Variants in ARIH1 observed in about 807,000 individuals in gnomAD.
ARIH1 encodes E3 ubiquitin-protein ligase ARIH1.
Under a neutral mutation model 85.0 loss-of-function variants are expected in ARIH1, and 8 were observed. The ratio of observed to expected loss-of-function variants is 0.09; its 90% CI spans 0.06 to 0.17. The LOEUF is 0.17. Among genes scored for constraint, ARIH1 ranks in the 10% least tolerant of loss-of-function variants. The pLI is 1.00. For missense variants in ARIH1, 311 were observed against 718.1 expected (o/e 0.43, Z 6.48); for synonymous variants, 238 against 253.6 (o/e 0.94, Z 0.59).
At chr15:72,523,908 G>A (rs934367968) in intron 2 of ARIH1, among the ~76,000 whole-genome samples, 14 of 150,778 alleles carry the variant, frequency 9.3e-5, no homozygotes, top group African/African-American at 2.9e-4. Flanking sequence ...ATAATTAGAG[G>A]TAGGAAAAAT....
intron 1 of ARIH1, among the ~76,000 whole-genome samples, chr15:72,510,067 C>A (rs906253547): frequency 3.9e-5 from 6 of 152,138 alleles, no homozygotes; most frequent in African/African-American, 1.4e-4. Flanking sequence ...CAGGGATCTC[C>A]CACCTCTTCT....
At chr15:72,496,593 A>G (rs1453764538) in intron 1 of ARIH1, among the ~76,000 whole-genome samples, 3 of 152,238 alleles carry the variant, frequency 2.0e-5, no homozygotes, top group Non-Finnish European at 2.9e-5. Flanking sequence ...TGTGATAATC[A>G]AGAATAGCTT....
At position 72,586,316 on chromosome 15, in the gene ARIH1, TAAC is replaced by T. The variant is rs1248512069; in HGVS notation, c.*3027_*3029del. ...GTAGAAGAGGGAAAAGGAGTTAATG[TAAC>T]AAATTATTTTAGCTACAAACCCCGG... On this transcript the variant is annotated 3_prime_UTR_variant, in exon 14 of 14. Transcript: ENST00000379887. The T allele has an allele frequency of 6.6e-6, 1 of 152,174 alleles. No individual in the cohort carries two copies. Among genetic ancestry groups the T allele is most frequent in the Non-Finnish European group, 1.5e-5 (1 of 68,024 alleles). 9.4% of individuals were successfully genotyped at this position (152,174 alleles called of 1,614,324 possible). A position where few individuals can be genotyped will look rare whatever the true frequency, so the allele number is the denominator to read the frequency against.
chr15:72,571,571 A>T (rs2140436259), intron 10 of ARIH1, among the ~76,000 whole-genome samples: 1 of 152,262 alleles, frequency 6.6e-6, no homozygotes, highest in Non-Finnish European at 1.5e-5. Flanking sequence ...AATGACTCTG[A>T]AAAACTGTAA....
chr15:72,476,078 T>C (rs1567334263), intron 1 of ARIH1, among the ~76,000 whole-genome samples: 1 of 152,252 alleles, frequency 6.6e-6, no homozygotes, highest in East Asian at 1.9e-4. Context: ...ATTGCCTCTT[T>C]TATCAGTATT....
At chr15:72,515,119 T>C (rs1400910202) in intron 1 of ARIH1, among the ~76,000 whole-genome samples, 2 of 152,196 alleles carry the variant, frequency 1.3e-5, no homozygotes, top group East Asian at 3.9e-4. Flanking sequence ...GCAGATCACC[T>C]GAGGTCGGGA....
intron 1 of ARIH1, among the ~76,000 whole-genome samples, chr15:72,486,359 T>C (rs2063837413): frequency 6.6e-6 from 1 of 152,204 alleles, no homozygotes. Flanking sequence ...ATCCAGTATA[T>C]AGCAGTATAT....
chr15:72,537,542 T>TGA (rs1190905965), intron 2 of ARIH1, among the ~76,000 whole-genome samples: 1 of 152,234 alleles, frequency 6.6e-6, no homozygotes, highest in East Asian at 1.9e-4. Context: ...GTCATCTTCA[T>TGA]ACCTCATGTT....
intron 1 of ARIH1, 57 bp from the exon 2 acceptor site, chr15:72,518,010 T>A: frequency 7.4e-7 from 1 of 1,352,644 alleles, no homozygotes; most frequent in East Asian, 2.3e-5. Flanking sequence ...AGGAGTTCAC[T>A]AAATGTCCAT....
In ARIH1 at chr15:72,474,747, C is replaced by T. The variant is rs1253333685; in HGVS notation, c.108C>T (p.Asp36=). The T allele has an allele frequency of 3.9e-6, 6 of 1,557,482 alleles. No homozygotes were observed. The highest frequency in any genetic ancestry group is 1.4e-5 in the African/African-American group (1 of 70,560). Residue 36 remains aspartate (D), a synonymous_variant, in exon 1 of 14, where the codon GAC becomes GAT. Transcript: ENST00000379887. The part of the protein sequence containing the change: ...EEEDEDDDEP[D]DDTLDLGEVE... ...AGGACGAAGACGACGACGAGCCGGA[C>T]GATGATACCCTGGATCTGGGCGAGG... is the stretch of plus-strand genomic sequence containing the variant.
In ARIH1 at chr15:72,572,102, T is replaced by G. The variant is rs1329503474; in HGVS notation, c.1158-6T>G. On this transcript the variant is annotated splice_polypyrimidine_tract_variant and splice_region_variant and intron_variant, in intron 10 of 13. Coordinates refer to ENST00000379887, the MANE Select transcript of ARIH1 (RefSeq NM_005744.5). ...TCTTTATGGAATCCTCTTTATTTACTTGAAGGTACAACTGTAACCGCTATA... is the reference window on the plus strand; with the variant it reads ...TCTTTATGGAATCCTCTTTATTTACGTGAAGGTACAACTGTAACCGCTATA... 6.3e-7 allele frequency: 1 copy of G among 1,580,300 alleles called. No individual in the cohort carries two copies. The highest frequency in any genetic ancestry group is 1.2e-5 in the South Asian group (1 of 85,102).
At chr15:72,515,950 A>G (rs2063973083) in intron 1 of ARIH1, among the ~76,000 whole-genome samples, 1 of 152,170 alleles carries the variant, frequency 6.6e-6, no homozygotes, top group Non-Finnish European at 1.5e-5. Context: ...TGAGTCTCCT[A>G]CCTGTCATGC....
rs771102972 is a variant in ARIH1, at chr15:72,561,573, G to C, written c.804+24G>C. 6.0e-6 allele frequency: 8 copies of C among 1,333,712 alleles called. No individual in the cohort carries two copies. The Admixed American group carries it at 1.4e-4, about 24-fold the overall frequency. 82.6% of individuals were successfully genotyped at this position (1,333,712 alleles called of 1,614,324 possible). ...AGGTAAGTGATTTGTTTTCCTTCTT[G>C]TAAGAAGGAATTCTGTTTATTAATA... On this transcript the variant is annotated intron_variant, in intron 6 of 13. Coordinates refer to ENST00000379887, the MANE Select transcript of ARIH1 (RefSeq NM_005744.5).
At chr15:72,523,601 T>C (rs1162596426) in intron 2 of ARIH1, among the ~76,000 whole-genome samples, 4 of 151,760 alleles carry the variant, frequency 2.6e-5, no homozygotes, top group African/African-American at 4.8e-5. Flanking sequence ...GCATTTGTCC[T>C]GACCCATAGA....
intron 2 of ARIH1, among the ~76,000 whole-genome samples, chr15:72,524,444 C>G (rs2064017946): frequency 6.8e-6 from 1 of 147,474 alleles, no homozygotes; most frequent in African/African-American, 2.5e-5. Flanking sequence ...GGAACTCTGA[C>G]CTCAAGTGAT....
chr15:72,490,708 G>A (rs2063855727), intron 1 of ARIH1, among the ~76,000 whole-genome samples: 2 of 152,068 alleles, frequency 1.3e-5, no homozygotes, highest in South Asian at 2.1e-4. Flanking sequence ...ATGACAAGCA[G>A]GGATGGGAGA....
chr15:72,511,863 G>C (rs1408590964), intron 1 of ARIH1, among the ~76,000 whole-genome samples: 1 of 152,032 alleles, frequency 6.6e-6, no homozygotes, highest in African/African-American at 2.4e-5. Context: ...TCGTTTCCTA[G>C]TTTGCTGAGA....
At chr15:72,557,736 A>T (rs1274717379) in intron 5 of ARIH1, among the ~76,000 whole-genome samples, 2 of 152,192 alleles carry the variant, frequency 1.3e-5, no homozygotes, top group Non-Finnish European at 2.9e-5. Flanking sequence ...GGTGAAAGAT[A>T]TAGGGGTCAA....
At chr15:72,545,672 C>G (rs2064125745) in intron 3 of ARIH1, among the ~76,000 whole-genome samples, 1 of 152,118 alleles carries the variant, frequency 6.6e-6, no homozygotes, top group South Asian at 2.1e-4. Context: ...ACTAAAAATA[C>G]AAAAAAATTA....
Sources: allele counts gnomAD v4.1 joint callset (sites outside exome capture counted in the v4.1 genomes callset), GRCh38; gene constraint gnomAD v4.1.1; transcripts MANE v1.5; gene names NCBI Gene and HGNC (gene_info 2026-07-23, HGNC 2026-07-21).